OGFR: variants seen among roughly 807,000 people sequenced by gnomAD.
OGFR encodes the protein opioid growth factor receptor.
OGFR carries 18 observed loss-of-function variants against 33.6 expected under a neutral mutation model. The observed-to-expected ratio is 0.54, with a 90% CI of 0.37 to 0.80. The LOEUF is 0.80. OGFR is among the 30% of genes least tolerant of loss of function. OGFR has a pLI of 0.00. For synonymous variants in OGFR, 370 were observed against 400.7 expected (o/e 0.92, Z 0.91); for missense variants, 877 against 955.8 (o/e 0.92, Z 1.09).
intron 5 of OGFR, among the ~76,000 whole-genome samples, chr20:62,810,816 C>T (rs1173542394): frequency 6.6e-6 from 1 of 152,244 alleles, no homozygotes; most frequent in Non-Finnish European, 1.5e-5. Context: ...GGGGCTGAGC[C>T]CCTGAGAGAC....
chr20:62,809,996 GC>G (rs1444877155), intron 4 of OGFR, among the ~76,000 whole-genome samples: 5 of 152,242 alleles, frequency 3.3e-5, no homozygotes, highest in Admixed American at 6.5e-5. Context: ...TCAAGGGGCG[GC>G]CCCCGTCTCG....
At chr20:62,811,631 C>T (rs2147185812) in intron 6 of OGFR, 21 bp downstream of exon 6, 1 of 1,519,034 alleles carries the variant, frequency 6.6e-7, no homozygotes, top group East Asian at 2.4e-5. Context: ...GCTGCTCCCG[C>T]CCACCCCCAC....
chr20:62,805,139 GC>G, intron 1 of OGFR, 109 bp downstream of exon 1: 1 of 858,834 alleles, frequency 1.2e-6, no homozygotes, highest in Non-Finnish European at 1.6e-6. Context: ...GCCTCCTGGA[GC>G]TCCCGCAGCC....
At chr20:62,811,655 AG>A (rs1339102670) in intron 6 of OGFR, 45 bp downstream of exon 6, 3 of 1,476,826 alleles carry the variant, frequency 2.0e-6, no homozygotes, top group African/African-American at 1.4e-5. Flanking sequence ...GGCGCAGAAC[AG>A]GGCCACGTCA....
rs570696306 is a variant in OGFR, at chr20:62,813,961, C to A, written c.*312C>A. 65 of 471,904 alleles carry A rather than the reference C, an allele frequency of 1.4e-4. No homozygotes were observed. The highest frequency in any genetic ancestry group is 2.0e-4 in the Non-Finnish European group (54 of 264,326). The allele number at this position is 471,904 out of a possible 1,614,324, so 29.2% of individuals were successfully genotyped here. A position where few individuals can be genotyped will look rare whatever the true frequency, so the allele number is the denominator to read the frequency against. ...CAGGGCTGCTTTTCTTAGTCTGATACCAAGCAAGGCCTTTTCTGAATAAAT... is the reference window on the plus strand; with the variant it reads ...CAGGGCTGCTTTTCTTAGTCTGATAACAAGCAAGGCCTTTTCTGAATAAAT... On this transcript the variant is annotated 3_prime_UTR_variant, in exon 7 of 7. Transcript: ENST00000290291.
In OGFR at chr20:62,811,626, T is replaced by TCCCCCCCCCCCCCCCC; in HGVS notation, c.614+19_614+20insCCCCCCCCCCCCCCCC. The TCCCCCCCCCCCCCCCC allele has an allele frequency of 6.7e-7, 1 of 1,502,548 alleles. No homozygotes were observed. The allele number at this position is 1,502,548 out of a possible 1,614,324, so 93.1% of individuals were successfully genotyped here. On this transcript the variant is annotated intron_variant, in intron 6 of 6. Coordinates refer to ENST00000290291, the MANE Select transcript of OGFR (RefSeq NM_007346.4). Reference sequence around the variant, plus strand: ...ACCTGAACTGGTGAGGCCCGGCTGCTCCCGCCCACCCCCACCCCGGCGCAG... The same window carrying TCCCCCCCCCCCCCCCC: ...ACCTGAACTGGTGAGGCCCGGCTGCTCCCCCCCCCCCCCCCCCCCGCCCACCCCCACCCCGGCGCAG...
rs766302914 is a variant in OGFR at position 62,811,542 on chromosome 20, G to A, written c.546G>A (p.Leu182=). Residue 182 remains leucine (L), a synonymous_variant, in exon 6 of 7, where the codon CTG becomes CTA. Transcript: ENST00000290291. ...ELMLGFYGIR[L]EDRGTGTVGR... is the part of the protein sequence containing the mutation. ...TGCTGGGCTTCTACGGGATCCGGCT[G>A]GAGGACCGAGGCACGGGCACGGTGG... is the stretch of plus-strand genomic sequence containing the variant. 3.4e-5 allele frequency: 55 copies of A among 1,607,330 alleles called. No homozygotes were observed. The highest frequency in any genetic ancestry group is 4.2e-5 in the Non-Finnish European group (50 of 1,177,806).
chr20:62,812,236 C>G lies in OGFR; in HGVS notation c.621C>G (p.Ser207Arg). Residue 207 changes from serine (S) to arginine (R), a missense_variant, in exon 7 of 7, where the codon AGC (serine) becomes AGG (arginine). Coordinates refer to ENST00000290291, the MANE Select transcript of OGFR (RefSeq NM_007346.4). Reference protein sequence around the residue: ...QKRFQNLNWRSHNNLRITRIL... With the variant: ...QKRFQNLNWRRHNNLRITRIL... The stretch of plus-strand genomic sequence containing the variant: ...TGACCCGGATCTCTCGCAGGCGCAG[C>G]CACAACAACCTCCGCATCACACGCA... The G allele has an allele frequency of 6.7e-7, 1 of 1,502,564 alleles. No homozygotes were observed. The highest frequency in any genetic ancestry group is 2.2e-5 in the Admixed American group (1 of 44,452). The allele number at this position is 1,502,564 out of a possible 1,614,324, so 93.1% of individuals were successfully genotyped here.
At position 62,804,915 on chromosome 20, in the gene OGFR, A is replaced by T; in HGVS notation, c.56A>T (p.Asp19Val). 1.3e-6 allele frequency: 2 copies of T among 1,496,012 alleles called. No homozygotes were observed. The highest frequency in any genetic ancestry group is 1.8e-6 in the Non-Finnish European group (2 of 1,123,034). The allele number at this position is 1,496,012 out of a possible 1,614,324, so 92.7% of individuals were successfully genotyped here. The change falls in exon 1 of 7, where the codon GAC (aspartate) becomes GTC (valine). Residue 19 changes from aspartate to valine, a missense_variant. Transcript: ENST00000290291. ...GAGGAGGACGAGGAGGATGCGGAGG[A>T]CGCGGAGGACGAGGACTGCGAGGAC... ...TWEEDEEDAE[D>V]AEDEDCEDGE...
chr20:62,809,742 C>T lies in OGFR; in HGVS notation c.398+79C>T, dbSNP rs538403570. 9.6e-6 allele frequency: 11 copies of T among 1,150,826 alleles called. No individual in the cohort carries two copies. The African/African-American group carries it at 1.1e-4, about 11-fold the overall frequency. The allele number at this position is 1,150,826 out of a possible 1,614,324, so 71.3% of individuals were successfully genotyped here. ...CCCTCCCAGGCAGGAGCCCTCCCGA[C>T]GCTGCTTCCTGGCACGGACTGAGCA... On this transcript the variant is annotated intron_variant, in intron 4 of 6. Transcript: ENST00000290291.
chr20:62,807,718 C>A, intron 2 of OGFR, 113 bp downstream of exon 2: 1 of 1,058,828 alleles, frequency 9.4e-7, no homozygotes, highest in Non-Finnish European at 1.4e-6. Flanking sequence ...GCCAGGGCCA[C>A]AGTTCTGGGC....
Position 62,807,549 on chromosome 20 carries a change from G to C in OGFR, c.184G>C (p.Gly62Arg). The change falls in exon 2 of 7, where the codon GGG (glycine) becomes CGG (arginine). Residue 62 changes from glycine (G) to arginine (R), a missense_variant. By Grantham distance (125) the Gly-to-Arg change is moderately radical. Transcript: ENST00000290291. ...RPSSFQSRMT[G>R]SRNWRATRDM... ...CTTTTCTTCCCAGTCCAGAATGACAGGGTCCAGAAACTGGCGAGCCACGAG... is the reference window on the plus strand; with the variant it reads ...CTTTTCTTCCCAGTCCAGAATGACACGGTCCAGAAACTGGCGAGCCACGAG... The C allele has an allele frequency of 6.2e-7, 1 of 1,612,918 alleles. No homozygotes were observed. Among genetic ancestry groups the C allele is most frequent in the African/African-American group, 1.3e-5 (1 of 75,048 alleles).
In OGFR at chr20:62,812,951, C is replaced by A. The variant is rs140665580; in HGVS notation, c.1336C>A (p.Pro446Thr). 7.3e-4 allele frequency: 1,171 copies of A among 1,612,270 alleles called. 3 individuals are homozygous for A. The highest frequency in any genetic ancestry group is 1.7e-3 in the Middle Eastern group (10 of 5,970). ...PGEAVQPCRQPLGARVADKVR... is the reference protein window; with the variant it reads ...PGEAVQPCRQTLGARVADKVR... ...GGAGGCAGTGCAGCCCTGCCGCCAA[C>A]CCCTGGGAGCCAGGGTGGCCGACAA... Residue 446 changes from proline (P) to threonine (T), a missense_variant, in exon 7 of 7, where the codon CCC (proline) becomes ACC (threonine). Around this residue, in one of 3 missense-constraint regions of OGFR, gnomAD observed 760 missense variants for 736.0 expected, o/e 1.03. Coordinates refer to ENST00000290291, the MANE Select transcript of OGFR (RefSeq NM_007346.4).
chr20:62,813,873 AC>A lies in OGFR; in HGVS notation c.*227del. ...CTCCTGGCCTGGCTGTGTCTTCCCC[AC>A]CCAGCTCTCCCCTGCGCCCCTGTCT... is the stretch of plus-strand genomic sequence containing the variant. On this transcript the variant is annotated 3_prime_UTR_variant, in exon 7 of 7. Transcript: ENST00000290291. The A allele has an allele frequency of 1.7e-6, 1 of 600,912 alleles. No individual in the cohort carries two copies. The highest frequency in any genetic ancestry group is 2.9e-6 in the Non-Finnish European group (1 of 340,224). The allele number at this position is 600,912 out of a possible 1,614,324, so 37.2% of individuals were successfully genotyped here.
chr20:62,807,160 G>GA (rs1990613804), intron 1 of OGFR: 1 of 270,610 alleles, frequency 3.7e-6, no homozygotes, highest in African/African-American at 2.2e-5. Context: ...AGCCAGGGTG[G>GA]AGGTGGCCAG....
At position 62,813,854 on chromosome 20, in the gene OGFR, G is replaced by C. The variant is rs1000719986; in HGVS notation, c.*205G>C. On this transcript the variant is annotated 3_prime_UTR_variant, in exon 7 of 7. Transcript: ENST00000290291. ...GCCCAAGGCCTGCAGAAGCCTCCTG[G>C]CCTGGCTGTGTCTTCCCCACCCAGC... 1.6e-6 allele frequency: 1 copy of C among 618,216 alleles called. No individual in the cohort carries two copies. Among genetic ancestry groups the C allele is most frequent in the East Asian group, 2.8e-5 (1 of 36,288 alleles). The allele number at this position is 618,216 out of a possible 1,614,324, so 38.3% of individuals were successfully genotyped here.
rs748586934 is a variant in OGFR, at chr20:62,804,847, G to C, written c.-13G>C. 1 of 1,163,698 alleles carries C rather than the reference G, an allele frequency of 8.6e-7. No homozygotes were observed. The highest frequency in any genetic ancestry group is 1.1e-4 in the East Asian group (1 of 9,158). The allele number at this position is 1,163,698 out of a possible 1,614,324, so 72.1% of individuals were successfully genotyped here. On this transcript the variant is annotated 5_prime_UTR_variant, in exon 1 of 7. Transcript: ENST00000290291. ...CGCTTCCGCCTCCAGCGCGAGCCCC[G>C]CCGCCGCCGAGCATGGACGACCCCG...
intron 3 of OGFR, 59 bp downstream of exon 3, chr20:62,808,384 C>T (rs1370075194): frequency 1.6e-6 from 2 of 1,279,832 alleles, no homozygotes; most frequent in East Asian, 2.3e-5. Context: ...CAGGGGTGGT[C>T]CACTGGGCCC....
Position 62,812,335 on chromosome 20 carries a change from G to A in OGFR, c.720G>A (p.Thr240=), listed in dbSNP as rs6122311. The part of the protein sequence containing the change: ...APLVRFFLEE[T]LVRRELPGVR... Reference sequence around the variant, plus strand: ...TGGTCCGCTTCTTCCTGGAGGAGACGCTGGTGCGGCGGGAGCTGCCGGGGG... The same window carrying A: ...TGGTCCGCTTCTTCCTGGAGGAGACACTGGTGCGGCGGGAGCTGCCGGGGG... The change falls in exon 7 of 7, where the codon ACG becomes ACA. Residue 240 remains threonine, a synonymous_variant. Coordinates refer to ENST00000290291, the MANE Select transcript of OGFR (RefSeq NM_007346.4). 0.055 allele frequency: 86,961 copies of A among 1,569,194 alleles called. 4,835 individuals are homozygous for A. Among genetic ancestry groups the A allele is most frequent in the East Asian group, 0.26 (11,154 of 42,108 alleles).
Sources: allele counts gnomAD v4.1 joint callset (sites outside exome capture counted in the v4.1 genomes callset), GRCh38; gene constraint gnomAD v4.1.1; regional missense constraint gnomAD v4.1.1; transcripts MANE v1.5; gene names NCBI Gene and HGNC (gene_info 2026-07-23, HGNC 2026-07-21).